GLG1: variants seen among roughly 807,000 people sequenced by gnomAD.
GLG1 encodes the protein Golgi apparatus protein 1.
GLG1 carries 38 observed loss-of-function variants against 160.5 expected under a neutral mutation model. The observed-to-expected ratio is 0.24, with a 90% CI of 0.18 to 0.31. The LOEUF (loss-of-function observed/expected upper bound fraction) is 0.31. Among genes scored for constraint, GLG1 ranks in the 10% least tolerant of loss-of-function variants. The pLI is 1.00. For missense variants in GLG1, 1,373 were observed against 1,505.2 expected (o/e 0.91, Z 1.45); for synonymous variants, 644 against 543.4 (o/e 1.19, Z -2.57).
At chr16:74,580,947 T>C (rs1393671854) in intron 1 of GLG1, among the ~76,000 whole-genome samples, 3 of 152,168 alleles carry the variant, frequency 2.0e-5, no homozygotes, top group African/African-American at 7.2e-5. Context: ...CACTCCAGCC[T>C]GGGCAACAGA....
chr16:74,456,529 G>A, intron 25 of GLG1, 120 bp downstream of exon 25: 1 of 710,020 alleles, frequency 1.4e-6, no homozygotes, highest in Non-Finnish European at 2.5e-6. Context: ...ATATCTAAAA[G>A]AGGCTGGACA....
intron 14 of GLG1, 114 bp downstream of exon 14, chr16:74,472,235 C>G (rs1597237318): frequency 2.7e-6 from 2 of 746,084 alleles, no homozygotes; most frequent in East Asian, 5.0e-5. Flanking sequence ...TCAAAGCTGG[C>G]TAACACTCAA....
At chr16:74,455,445 G>C (rs963050155) in intron 25 of GLG1, among the ~76,000 whole-genome samples, 1 of 152,176 alleles carries the variant, frequency 6.6e-6, no homozygotes, top group African/African-American at 2.4e-5. Context: ...TGGACACAAT[G>C]AGGCAGAATG....
At chr16:74,501,841 G>A (rs1171927774) in intron 4 of GLG1, among the ~76,000 whole-genome samples, 2 of 152,174 alleles carry the variant, frequency 1.3e-5, no homozygotes, top group Admixed American at 6.5e-5. Flanking sequence ...CTGCTGGGAA[G>A]GAAAACACTG....
At position 74,592,733 on chromosome 16, in the gene GLG1, A is replaced by G. The variant is rs780886546; in HGVS notation, c.438+13924T>C. Among the ~76,000 whole-genome samples, 4 of 152,124 alleles carry G rather than the reference A, an allele frequency of 2.6e-5. No homozygotes were observed. The East Asian group carries it at 5.8e-4, about 22-fold the overall frequency. ...CCATTCTATTTTTCCATTTACCACA[A>G]TGCTTTTCCTCTCATCACAAGCTTC... On this transcript the variant is annotated intron_variant, in intron 1 of 25. Transcript: ENST00000422840.
intron 1 of GLG1, among the ~76,000 whole-genome samples, chr16:74,579,203 C>A (rs970982206): frequency 3.3e-5 from 5 of 151,456 alleles, no homozygotes; most frequent in Non-Finnish European, 2.9e-5. Flanking sequence ...ACAACAACAA[C>A]AAAAAAAACA....
rs34221253 is a variant in GLG1 at position 74,496,713 on chromosome 16, T to TACACACACAC, written c.775-79_775-70dup. ...GGGTTTCAAATAAACAACATTTGGC[T>TACACACACAC]ACACACACACACACACACACACACA... On this transcript the variant is annotated intron_variant, in intron 4 of 25. Transcript: ENST00000422840. 249 of 617,648 alleles carry TACACACACAC rather than the reference T, an allele frequency of 4.0e-4. 1 individual carries two copies. The highest frequency in any genetic ancestry group is 1.1e-3 in the African/African-American group (60 of 54,190). The allele number at this position is 617,648 out of a possible 1,614,324, so 38.3% of individuals were successfully genotyped here. A position where few individuals can be genotyped will look rare whatever the true frequency, so the allele number is the denominator to read the frequency against.
At chr16:74,490,070 A>T (rs536900113) in intron 8 of GLG1, among the ~76,000 whole-genome samples, 13 of 152,340 alleles carry the variant, frequency 8.5e-5, no homozygotes, top group African/African-American at 3.1e-4. Flanking sequence ...CTATTCTAGG[A>T]TATAAAGCGA....
chr16:74,606,773 C>A lies in GLG1; in HGVS notation c.322G>T (p.Gly108Trp). The stretch of plus-strand genomic sequence containing the variant: ...TCTTCCTCCGCCAGCTTCCAGCCCC[C>A]ACCAGCCCCCGCTCCTCCCCGCCGG... ...PARRGGAGAG[G>W]GWKLAEEESC... The change falls in exon 1 of 26, where the codon GGG becomes TGG. Residue 108 changes from glycine (G) to tryptophan (W), a missense_variant. Physicochemically the swap from Gly to Trp is radical, Grantham distance 184. Around this residue, in one of 4 missense-constraint regions of GLG1, gnomAD observed 322 missense variants for 254.6 expected, o/e 1.26. Coordinates refer to ENST00000422840, the MANE Select transcript of GLG1 (RefSeq NM_001145667.2). The A allele has an allele frequency of 5.0e-6, 8 of 1,611,508 alleles. No individual in the cohort carries two copies. Among genetic ancestry groups the A allele is most frequent in the Middle Eastern group, 1.7e-4 (1 of 6,046 alleles).
intron 1 of GLG1, among the ~76,000 whole-genome samples, chr16:74,602,707 C>T (rs140525519): frequency 1.9e-4 from 29 of 151,666 alleles, no homozygotes; most frequent in Non-Finnish European, 1.5e-4. Flanking sequence ...CGCTTGAACT[C>T]GGGAGGCTGA....
At chr16:74,473,687 G>A (rs1310242348) in intron 13 of GLG1, among the ~76,000 whole-genome samples, 6 of 151,954 alleles carry the variant, frequency 3.9e-5, no homozygotes, top group Admixed American at 6.6e-5. Flanking sequence ...TGATCCGCCC[G>A]CCTCGCCTCC....
chr16:74,447,728 A>G lies in GLG1; in HGVS notation c.*5439T>C, dbSNP rs2014123572. 6.6e-6 allele frequency: 1 copy of G among 152,282 alleles called. No homozygotes were observed. Among genetic ancestry groups the G allele is most frequent in the South Asian group, 2.1e-4 (1 of 4,832 alleles). The allele number at this position is 152,282 out of a possible 1,614,324, so 9.4% of individuals were successfully genotyped here. On this transcript the variant is annotated 3_prime_UTR_variant, in exon 26 of 26. Coordinates refer to ENST00000422840, the MANE Select transcript of GLG1 (RefSeq NM_001145667.2). The stretch of plus-strand genomic sequence containing the variant: ...GTTTTCCGGATGGACTGGTTTGGGA[A>G]CACTGTGCTGGGGGAAGCTGCCCAG...
chr16:74,507,454 T>A (rs926422482), intron 3 of GLG1, among the ~76,000 whole-genome samples: 6 of 152,156 alleles, frequency 3.9e-5, no homozygotes, highest in Non-Finnish European at 8.8e-5. Flanking sequence ...AAACTACTTA[T>A]GGCCGGGCAC....
At chr16:74,550,998 T>C (rs375104434) in intron 1 of GLG1, among the ~76,000 whole-genome samples, 17 of 152,250 alleles carry the variant, frequency 1.1e-4, no homozygotes, top group Middle Eastern at 3.4e-3. Flanking sequence ...ACCCTGGAAA[T>C]ATTCATGTTG....
chr16:74,578,370 G>C (rs368609700), intron 1 of GLG1, among the ~76,000 whole-genome samples: 88 of 152,234 alleles, frequency 5.8e-4, no homozygotes, highest in African/African-American at 2.1e-3. Flanking sequence ...AGCTTTGTAG[G>C]ATGTCTTACT....
intron 23 of GLG1, 108 bp from the exon 24 acceptor site, chr16:74,458,102 T>G: frequency 2.7e-6 from 3 of 1,110,570 alleles, no homozygotes; most frequent in Non-Finnish European, 4.0e-6. Context: ...AGTTGAGGGC[T>G]AACAACAGAG....
Position 74,463,488 on chromosome 16 carries a change from A to C in GLG1, c.2668-9T>G. The C allele has an allele frequency of 1.2e-6, 2 of 1,613,550 alleles. No homozygotes were observed. The highest frequency in any genetic ancestry group is 1.7e-6 in the Non-Finnish European group (2 of 1,179,742). On this transcript the variant is annotated splice_polypyrimidine_tract_variant and intron_variant, in intron 19 of 25. Transcript: ENST00000422840. ...GCTTCCGGACAGAACCTCTGCAAAG[A>C]AACAGTTTGATAAAAACAGCTATCT...
chr16:74,528,970 CTTT>C (rs368741358), intron 2 of GLG1, among the ~76,000 whole-genome samples: 1 of 139,234 alleles, frequency 7.2e-6, no homozygotes, highest in Non-Finnish European at 1.5e-5. Context: ...TTCTGTCTGC[CTTT>C]TTTTTTTTTT....
At position 74,569,737 on chromosome 16, in the gene GLG1, C is replaced by A. The variant is rs184651722; in HGVS notation, c.438+36920G>T. 3.0e-3 allele frequency among the ~76,000 whole-genome samples: 459 copies of A among 151,984 alleles called. 4 individuals carry two copies. The highest frequency in any genetic ancestry group is 0.011 in the African/African-American group (451 of 41,428). On this transcript the variant is annotated intron_variant, in intron 1 of 25. Coordinates refer to ENST00000422840, the MANE Select transcript of GLG1 (RefSeq NM_001145667.2). ...AATTAGCTGGGCATGGTGGGGCTCA[C>A]CTGTAATTCCAGCTACATGGGAGGC...
Sources: gnomAD v4.1 joint callset for allele counts (sites outside exome capture counted in the v4.1 genomes callset) on GRCh38, gnomAD v4.1.1 for gene constraint, gnomAD v4.1.1 regional missense constraint, MANE v1.5 for transcripts, NCBI Gene and HGNC (gene_info 2026-07-23, HGNC 2026-07-21) for gene names.